CSRP3: variants seen among roughly 807,000 people sequenced by gnomAD.
The protein encoded by CSRP3 is cysteine and glycine rich protein 3, also known as cysteine and glycine-rich protein 3.
Under a neutral mutation model 24.3 loss-of-function variants are expected in CSRP3, and 24 were observed. The observed-to-expected ratio is 0.99, with a 90% CI of 0.71 to 1.39. The LOEUF (loss-of-function observed/expected upper bound fraction) is 1.39. Ranked by LOEUF, CSRP3 falls within the 40% of genes most tolerant of loss-of-function variation. CSRP3 has a pLI of 0.00. For missense variants in CSRP3, 240 were observed against 249.0 expected, an observed-to-expected ratio of 0.96 and a Z score of 0.24; for synonymous variants, 105 against 94.0, an observed-to-expected ratio of 1.12 and a Z score of -0.68.
intron 5 of CSRP3, among the ~76,000 whole-genome samples, chr11:19,183,839 C>T (rs902525794): frequency 6.6e-6 from 1 of 152,132 alleles, no homozygotes; most frequent in African/African-American, 2.4e-5. Context: ...ATAATCCCCA[C>T]ATGTTGTGGG....
chr11:19,182,569 G>T lies in CSRP3; in HGVS notation c.*101C>A. On this transcript the variant is annotated 3_prime_UTR_variant, in exon 6 of 6. Transcript: ENST00000265968. ...TTCTGAGGAGAAACACATAATGTAC[G>T]ACTACAAAGGAGAGGCTATTTGGGG... The T allele has an allele frequency of 2.1e-6, 2 of 974,964 alleles. No homozygotes were observed. Among genetic ancestry groups the T allele is most frequent in the South Asian group, 2.6e-5 (2 of 78,144 alleles). 60.4% of individuals were successfully genotyped at this position (974,964 alleles called of 1,614,324 possible). A position where few individuals can be genotyped will look rare whatever the true frequency, so the allele number is the denominator to read the frequency against.
chr11:19,189,034 C>A (rs1432780209), intron 2 of CSRP3, among the ~76,000 whole-genome samples: 1 of 152,046 alleles, frequency 6.6e-6, no homozygotes, highest in African/African-American at 2.4e-5. Context: ...ATAAAAATGT[C>A]AAATATCTAC....
chr11:19,199,308 T>C (rs1850797088), intron 1 of CSRP3, among the ~76,000 whole-genome samples: 1 of 152,126 alleles, frequency 6.6e-6, no homozygotes, highest in African/African-American at 2.4e-5. Context: ...CCAGAGGCCC[T>C]TTCACAGAGC....
chr11:19,193,524 G>A (rs936823069), intron 1 of CSRP3, among the ~76,000 whole-genome samples: 15 of 152,178 alleles, frequency 9.9e-5, no homozygotes, highest in African/African-American at 3.6e-4. Flanking sequence ...AAAAATAATT[G>A]TCCTCTGTAT....
At chr11:19,190,082 T>C (rs1252526590) in intron 2 of CSRP3, among the ~76,000 whole-genome samples, 1 of 152,266 alleles carries the variant, frequency 6.6e-6, no homozygotes, top group Non-Finnish European at 1.5e-5. Context: ...TGTAAACATT[T>C]ATTGAGTACA....
chr11:19,201,011 C>T (rs1287724472), intron 1 of CSRP3, among the ~76,000 whole-genome samples: 1 of 152,162 alleles, frequency 6.6e-6, no homozygotes, highest in Non-Finnish European at 1.5e-5. Flanking sequence ...GGAGGAGTCA[C>T]CACCTTGGCT....
chr11:19,192,280 G>C (rs2133516127), intron 2 of CSRP3, 57 bp downstream of exon 2: 1 of 1,187,306 alleles, frequency 8.4e-7, no homozygotes, highest in East Asian at 2.3e-5. Context: ...GATTCAATGT[G>C]AATTTTGTGA....
chr11:19,187,617 C>T (rs1030111506), intron 3 of CSRP3, among the ~76,000 whole-genome samples: 6 of 152,218 alleles, frequency 3.9e-5, no homozygotes, highest in African/African-American at 4.8e-5. Context: ...GTATTGGCAA[C>T]AGGCAGCCAG....
At chr11:19,191,068 C>A (rs959739674) in intron 2 of CSRP3, among the ~76,000 whole-genome samples, 1 of 152,144 alleles carries the variant, frequency 6.6e-6, no homozygotes, top group Non-Finnish European at 1.5e-5. Flanking sequence ...ATTTCCATAT[C>A]AAGACCCCCC....
At chr11:19,198,388 G>A (rs114262810) in intron 1 of CSRP3, among the ~76,000 whole-genome samples, 2 of 152,366 alleles carry the variant, frequency 1.3e-5, no homozygotes, top group African/African-American at 2.4e-5. Flanking sequence ...GGGACACAGA[G>A]GGTATTCAAG....
chr11:19,186,493 T>C (rs1374910361), intron 3 of CSRP3, 145 bp from the exon 4 acceptor site: 13 of 1,112,458 alleles, frequency 1.2e-5, no homozygotes, highest in Middle Eastern at 2.5e-4. Context: ...GTCTTTCTCA[T>C]AGCGTTGTTG....
intron 4 of CSRP3, 54 bp from the exon 5 acceptor site, chr11:19,185,099 T>G (rs45541334): frequency 1.7e-4 from 227 of 1,345,906 alleles, no homozygotes; most frequent in Non-Finnish European, 2.3e-4. Context: ...ACATTCTGTT[T>G]CCATTTCAAG....
intron 3 of CSRP3, among the ~76,000 whole-genome samples, chr11:19,187,876 A>G (rs1850552492): frequency 6.6e-6 from 1 of 152,246 alleles, no homozygotes; most frequent in Non-Finnish European, 1.5e-5. Flanking sequence ...ACATCTGTAC[A>G]TCCTGGGTTT....
intron 4 of CSRP3, among the ~76,000 whole-genome samples, chr11:19,185,863 A>G (rs1163176265): frequency 2.0e-5 from 3 of 152,134 alleles, no homozygotes; most frequent in African/African-American, 7.2e-5. Flanking sequence ...GGTGGCAGCA[A>G]CAGGTTGAGT....
intron 2 of CSRP3, among the ~76,000 whole-genome samples, chr11:19,188,899 T>C (rs748826897): frequency 7.2e-4 from 109 of 152,056 alleles, no homozygotes; most frequent in Non-Finnish European, 9.0e-4. Context: ...AGCCCCCTGG[T>C]TACTGTATAT....
At chr11:19,196,556 A>T (rs1228118903) in intron 1 of CSRP3, among the ~76,000 whole-genome samples, 1 of 152,198 alleles carries the variant, frequency 6.6e-6, no homozygotes, top group African/African-American at 2.4e-5. Flanking sequence ...TTGCTTTGGA[A>T]TTCTTGTGTC....
At chr11:19,188,613 A>AGTGTGTGTGTGTGTGT (rs138192808) in intron 2 of CSRP3, among the ~76,000 whole-genome samples, 163 of 140,954 alleles carry the variant, frequency 1.2e-3, no homozygotes, top group African/African-American at 3.6e-3. Context: ...ACATCAGGGA[A>AGTGTGTGTGTGTGTGT]GTGTGTGTGT....
intron 1 of CSRP3, among the ~76,000 whole-genome samples, chr11:19,193,680 T>A (rs1293585244): frequency 2.0e-5 from 3 of 152,066 alleles, no homozygotes; most frequent in Non-Finnish European, 2.9e-5. Context: ...TAGCCAGGTG[T>A]GGTGGTGGGC....
chr11:19,196,023 C>T (rs1427419612), intron 1 of CSRP3, among the ~76,000 whole-genome samples: 1 of 152,116 alleles, frequency 6.6e-6, no homozygotes, highest in Non-Finnish European at 1.5e-5. Context: ...AATCCCAGGA[C>T]TGAGGCCGAG....
Sources: allele counts gnomAD v4.1 joint callset (sites outside exome capture counted in the v4.1 genomes callset), GRCh38; gene constraint gnomAD v4.1.1; transcripts MANE v1.5; gene names NCBI Gene and HGNC (gene_info 2026-07-23, HGNC 2026-07-21).